Variants in TP53BP2 observed in about 807,000 individuals in gnomAD.
TP53BP2 encodes tumor protein p53 binding protein 2.
Under a neutral mutation model 126.2 loss-of-function variants are expected in TP53BP2, and 62 were observed. The observed-to-expected ratio is 0.49, with a 90% CI of 0.40 to 0.61. The LOEUF is 0.61. TP53BP2 is among the 20% of genes least tolerant of loss of function. TP53BP2 has a pLI of 0.00. For synonymous variants in TP53BP2, 485 were observed against 502.9 expected (o/e 0.96, Z 0.48); for missense variants, 1,215 against 1,402.8 (o/e 0.87, Z 2.14).
rs970756641 is a variant in TP53BP2, at chr1:223,780,750, T to C, written c.*103A>G. The C allele has an allele frequency of 1.8e-4, 192 of 1,089,844 alleles. 4 individuals carry two copies. In the East Asian group the frequency reaches 2.9e-3, roughly 17 times the overall value. 67.5% of individuals were successfully genotyped at this position (1,089,844 alleles called of 1,614,324 possible). The stretch of plus-strand genomic sequence containing the variant: ...CATTCTTCATCGCTTTCAAGCTACA[T>C]TGTCATTAAAATAAGTCTTGTGAAA... On this transcript the variant is annotated 3_prime_UTR_variant, in exon 18 of 18. Transcript: ENST00000343537.
At chr1:223,801,306 A>G (rs1273973000) in intron 9 of TP53BP2, among the ~76,000 whole-genome samples, 1 of 152,234 alleles carries the variant, frequency 6.6e-6, no homozygotes, top group African/African-American at 2.4e-5. Context: ...AAACAAAGCA[A>G]ATATAACTCT....
intron 1 of TP53BP2, among the ~76,000 whole-genome samples, chr1:223,844,600 G>T (rs947009776): frequency 6.6e-6 from 1 of 152,046 alleles, no homozygotes; most frequent in African/African-American, 2.4e-5. Context: ...TTGAATCCTG[G>T]CAGGACAAAA....
At chr1:223,821,102 C>G (rs34268065) in intron 2 of TP53BP2, 118 bp downstream of exon 2, 1 of 1,272,034 alleles carries the variant, frequency 7.9e-7, no homozygotes, top group African/African-American at 1.5e-5. Flanking sequence ...TTCTGCCGGA[C>G]GTGCTATTCT....
At chr1:223,831,480 A>AATATATATATATATAT (rs10543436) in intron 1 of TP53BP2, among the ~76,000 whole-genome samples, 1 of 32,464 alleles carries the variant, frequency 3.1e-5, no homozygotes. Context: ...AAAAAAAAAA[A>AATATATATATATATAT]ATATATATAT....
chr1:223,781,335 G>A (rs1661771540), intron 17 of TP53BP2, among the ~76,000 whole-genome samples: 1 of 152,230 alleles, frequency 6.6e-6, no homozygotes, highest in African/African-American at 2.4e-5. Flanking sequence ...ATGACATTGT[G>A]TCATGGGACT....
intron 1 of TP53BP2, among the ~76,000 whole-genome samples, chr1:223,839,667 C>T (rs1469464738): frequency 1.3e-5 from 2 of 152,152 alleles, no homozygotes; most frequent in African/African-American, 2.4e-5. Flanking sequence ...CGGCCAACTG[C>T]GGTGGCTCAC....
intron 2 of TP53BP2, among the ~76,000 whole-genome samples, chr1:223,818,502 CAA>C (rs60296469): frequency 3.7e-4 from 33 of 88,172 alleles, no homozygotes; most frequent in Admixed American, 6.1e-4. Flanking sequence ...GACTCCATCT[CAA>C]AAAAAAAAAA....
At chr1:223,843,842 C>T (rs772732877) in intron 1 of TP53BP2, among the ~76,000 whole-genome samples, 24 of 152,128 alleles carry the variant, frequency 1.6e-4, no homozygotes, top group Admixed American at 3.9e-4. Flanking sequence ...TATAAAGACA[C>T]ATATAACATG....
At chr1:223,807,338 A>T (rs1428527194) in intron 4 of TP53BP2, among the ~76,000 whole-genome samples, 18 of 152,184 alleles carry the variant, frequency 1.2e-4, no homozygotes, top group Non-Finnish European at 2.1e-4. Flanking sequence ...TAGTCATTGG[A>T]ATATCATTTA....
In TP53BP2 at chr1:223,802,565, TAAAAA is replaced by T; in HGVS notation, c.996+161_996+165del. ...AACAGAGCTACACAGGTAATAACAT[TAAAAA>T]GTAAAAAAGCAGCGGATTGTCTTTT... On this transcript the variant is annotated intron_variant, in intron 8 of 17. Coordinates refer to ENST00000343537, the MANE Select transcript of TP53BP2 (RefSeq NM_001031685.3). 3.1e-6 allele frequency: 3 copies of T among 969,224 alleles called. No homozygotes were observed. The East Asian group carries it at 7.4e-5, about 24-fold the overall frequency. 60.0% of individuals were successfully genotyped at this position (969,224 alleles called of 1,614,324 possible). A position where few individuals can be genotyped will look rare whatever the true frequency, so the allele number is the denominator to read the frequency against.
Position 223,803,379 on chromosome 1 carries a change from T to A in TP53BP2, c.723A>T (p.Val241=). The A allele has an allele frequency of 6.2e-7, 1 of 1,614,052 alleles. No homozygotes were observed. Among genetic ancestry groups the A allele is most frequent in the East Asian group, 2.2e-5 (1 of 44,886 alleles). ...QRELVLAVSK[V]EELTRQLEML... Reference sequence around the variant, plus strand: ...TCTCTAGCTGCCTGGTCAGTTCTTCTACTTTTGACACAGCCAGGACGAGCT... The same window carrying A: ...TCTCTAGCTGCCTGGTCAGTTCTTCAACTTTTGACACAGCCAGGACGAGCT... The change falls in exon 7 of 18, where the codon GTA becomes GTT. Residue 241 remains valine (V), a synonymous_variant. Transcript: ENST00000343537.
intron 1 of TP53BP2, among the ~76,000 whole-genome samples, chr1:223,834,183 G>C (rs1166890683): frequency 2.0e-5 from 3 of 152,174 alleles, no homozygotes; most frequent in Non-Finnish European, 2.9e-5. Context: ...TAAGGAGTAC[G>C]GACTTTATTG....
chr1:223,793,683 A>G (rs1284840724), intron 13 of TP53BP2, among the ~76,000 whole-genome samples: 1 of 152,234 alleles, frequency 6.6e-6, no homozygotes, highest in African/African-American at 2.4e-5. Context: ...AACTTTATAA[A>G]ATCTAACATA....
chr1:223,798,776 A>G (rs1662427316), intron 11 of TP53BP2, 99 bp from the exon 12 acceptor site: 2 of 1,075,152 alleles, frequency 1.9e-6, no homozygotes, highest in South Asian at 1.6e-5. Flanking sequence ...ATACACTATA[A>G]AAATATTAGC....
At chr1:223,817,609 T>C (rs989710272) in intron 2 of TP53BP2, among the ~76,000 whole-genome samples, 13 of 152,040 alleles carry the variant, frequency 8.6e-5, no homozygotes, top group Non-Finnish European at 1.5e-4. Context: ...TCAACTATAG[T>C]TTATGCATAC....
intron 1 of TP53BP2, among the ~76,000 whole-genome samples, chr1:223,839,085 T>A (rs1356361867): frequency 1.3e-5 from 2 of 152,156 alleles, no homozygotes; most frequent in African/African-American, 4.8e-5. Flanking sequence ...AAGCAATTTT[T>A]GAAGTTACCA....
Position 223,796,217 on chromosome 1 carries a change from T to A in TP53BP2, c.2322A>T (p.Pro774=), listed in dbSNP as rs568482636. 2 of 1,614,098 alleles carry A rather than the reference T, an allele frequency of 1.2e-6. No individual in the cohort carries two copies. Among genetic ancestry groups the A allele is most frequent in the South Asian group, 2.2e-5 (2 of 91,088 alleles). ...TIAAMETISV[P]SYPSKSASVT... ...CAGAAGCTGACTTGGATGGGTATGA[T>A]GGGACAGAGATGGTCTCCATGGCCG... Residue 774 remains proline (P), a synonymous_variant, in exon 13 of 18, where the codon CCA becomes CCT. Coordinates refer to ENST00000343537, the MANE Select transcript of TP53BP2 (RefSeq NM_001031685.3). This position sits in a 1 kb window ranked among gnomAD's most constrained non-coding sequence, Gnocchi z 4.2.
At chr1:223,790,609 CTTTTT>C (rs35994805) in intron 15 of TP53BP2, among the ~76,000 whole-genome samples, 2 of 137,120 alleles carry the variant, frequency 1.5e-5, no homozygotes, top group African/African-American at 5.5e-5. Flanking sequence ...TTCCAGATCA[CTTTTT>C]TTTTTTTTTT....
intron 13 of TP53BP2, among the ~76,000 whole-genome samples, chr1:223,794,334 G>A (rs560979422): frequency 4.6e-5 from 7 of 152,248 alleles, no homozygotes; most frequent in African/African-American, 7.2e-5. Flanking sequence ...AACATTAAGC[G>A]ACAATACATT....
Sources: gnomAD v4.1 joint callset for allele counts (sites outside exome capture counted in the v4.1 genomes callset) on GRCh38, gnomAD v4.1.1 for gene constraint, Gnocchi (gnomAD v3.1) non-coding constraint, MANE v1.5 for transcripts, NCBI Gene and HGNC (gene_info 2026-07-23, HGNC 2026-07-21) for gene names.